The following GJC1 variants were observed in gnomAD, a reference collection of about 807,000 sequenced individuals.
The protein encoded by GJC1 is gap junction gamma-1 protein.
GJC1 carries 5 observed loss-of-function variants against 29.3 expected under a neutral mutation model. That is an observed-to-expected ratio of 0.17 (90% CI 0.09 to 0.36). GJC1 has a LOEUF of 0.36. Among genes scored for constraint, GJC1 ranks in the 10% least tolerant of loss-of-function variants. The pLI is 1.00. For missense variants in GJC1, 310 were observed against 496.2 expected (o/e 0.62, Z 3.56); for synonymous variants, 177 against 183.3 (o/e 0.97, Z 0.28).
At chr17:44,830,415 C>T (rs534729413), upstream of GJC1, among the ~76,000 whole-genome samples, 3 of 152,096 alleles carry the variant, frequency 2.0e-5, no homozygotes, top group Non-Finnish European at 4.4e-5. The surrounding 1 kb of genome is among the most constrained non-coding windows in gnomAD (Gnocchi z 4.3). Flanking sequence ...GACGCGAGCG[C>T]CAACTTTCCG....
chr17:44,822,704 T>C (rs1033148995), intron 1 of GJC1, among the ~76,000 whole-genome samples: 27 of 135,126 alleles, frequency 2.0e-4, no homozygotes, highest in Middle Eastern at 4.1e-3. Context: ...AGCCACTTAA[T>C]AAAATAGAGT....
rs200919428 is a variant in GJC1 at position 44,811,393 on chromosome 17, T to TC, written c.-96-3925_-96-3924insG. Among the ~76,000 whole-genome samples, 707 of 147,096 alleles carry TC rather than the reference T, an allele frequency of 4.8e-3. 3 individuals carry two copies. The highest frequency in any genetic ancestry group is 9.4e-3 in the African/African-American group (361 of 38,592). On this transcript the variant is annotated intron_variant, in intron 1 of 2. Coordinates refer to ENST00000592524, the MANE Select transcript of GJC1 (RefSeq NM_005497.4). Reference sequence around the variant, plus strand: ...CACTGCACCTGGCCTTTTTTCTTTTTTTTTTTTTTTTTTGAGACAAAGTCT... The same window carrying TC: ...CACTGCACCTGGCCTTTTTTCTTTTTCTTTTTTTTTTTTTGAGACAAAGTCT...
chr17:44,812,263 T>G (rs1206498020), intron 1 of GJC1, among the ~76,000 whole-genome samples: 1 of 152,104 alleles, frequency 6.6e-6, no homozygotes, highest in Non-Finnish European at 1.5e-5. Flanking sequence ...AGGCAGAGGC[T>G]GCAGTGAGTC....
intron 1 of GJC1, among the ~76,000 whole-genome samples, chr17:44,809,276 A>T (rs997067886): frequency 6.6e-6 from 1 of 152,166 alleles, no homozygotes; most frequent in Non-Finnish European, 1.5e-5. Context: ...AATTTCCAGT[A>T]CAGCTCCCAT....
rs1162077867 is a variant in GJC1, at chr17:44,825,188, CAAAAAAAA to C, written c.-97+4866_-97+4873del. On this transcript the variant is annotated intron_variant, in intron 1 of 2. Coordinates refer to ENST00000592524, the MANE Select transcript of GJC1 (RefSeq NM_005497.4). The stretch of plus-strand genomic sequence containing the variant: ...ACAGAACAAGACTCTGTCTCAATTA[CAAAAAAAA>C]AAAAAAAAAAAAAAAAAAAAAGGCT... 4.6e-4 allele frequency among the ~76,000 whole-genome samples: 21 copies of C among 45,984 alleles called. No homozygotes were observed. The East Asian group carries it at 0.015, about 32-fold the overall frequency. The allele number at this position is 45,984 out of a possible 152,430, so 30.2% of individuals were successfully genotyped here. A position where few individuals can be genotyped will look rare whatever the true frequency, so the allele number is the denominator to read the frequency against.
rs1251139172 is a variant in GJC1, at chr17:44,802,182, G to C, written c.*2445C>G. 6.6e-6 allele frequency: 1 copy of C among 152,080 alleles called. No homozygotes were observed. Among genetic ancestry groups the C allele is most frequent in the African/African-American group, 2.4e-5 (1 of 41,410 alleles). 9.4% of individuals were successfully genotyped at this position (152,080 alleles called of 1,614,324 possible). A position where few individuals can be genotyped will look rare whatever the true frequency, so the allele number is the denominator to read the frequency against. On this transcript the variant is annotated 3_prime_UTR_variant, in exon 3 of 3. Transcript: ENST00000592524. Reference sequence around the variant, plus strand: ...AAAACAGGCCAAGATGAAACACCAGGGGCACTCTTCACAGAAATTAAGTGG... The same window carrying C: ...AAAACAGGCCAAGATGAAACACCAGCGGCACTCTTCACAGAAATTAAGTGG...
At position 44,825,779 on chromosome 17, in the gene GJC1, GAA is replaced by G. The variant is rs34179777; in HGVS notation, c.-97+4281_-97+4282del. On this transcript the variant is annotated intron_variant, in intron 1 of 2. Coordinates refer to ENST00000592524, the MANE Select transcript of GJC1 (RefSeq NM_005497.4). ...GAAAGAGTGAGACTCAGTCTCAAAA[GAA>G]AAAAAAAAAAAAAGTTGAATGACTT... Among the ~76,000 whole-genome samples, 518 of 129,798 alleles carry G rather than the reference GAA, an allele frequency of 4.0e-3. 2 individuals carry two copies. Among genetic ancestry groups the G allele is most frequent in the Non-Finnish European group, 3.3e-3 (197 of 59,298 alleles). The allele number at this position is 129,798 out of a possible 152,430, so 85.2% of individuals were successfully genotyped here.
chr17:44,796,808 C>CACACACACACACAT (rs1228726524), downstream of GJC1, among the ~76,000 whole-genome samples: 2 of 149,920 alleles, frequency 1.3e-5, no homozygotes, highest in African/African-American at 2.4e-5. Flanking sequence ...CTAAAATACA[C>CACACACACACACAT]ACACACACAC....
At chr17:44,814,175 C>T (rs1355705640) in intron 1 of GJC1, among the ~76,000 whole-genome samples, 1 of 152,040 alleles carries the variant, frequency 6.6e-6, no homozygotes. Flanking sequence ...GAGTCTTGCT[C>T]CGTCGCCCAG....
At chr17:44,827,043 C>G (rs1021432777) in intron 1 of GJC1, among the ~76,000 whole-genome samples, 9 of 152,168 alleles carry the variant, frequency 5.9e-5, no homozygotes, top group African/African-American at 1.4e-4. Context: ...AGTGCGGTGG[C>G]TCACACCTGT....
At chr17:44,821,897 T>A (rs2050112569) in intron 1 of GJC1, among the ~76,000 whole-genome samples, 2 of 151,138 alleles carry the variant, frequency 1.3e-5, no homozygotes, top group Admixed American at 1.3e-4. Flanking sequence ...GCATTTATTA[T>A]AAGAAACACA....
intron 1 of GJC1, among the ~76,000 whole-genome samples, chr17:44,813,568 C>A (rs182148115): frequency 1.1e-4 from 15 of 139,522 alleles, no homozygotes; most frequent in Non-Finnish European, 3.0e-5. Flanking sequence ...TCTCAACTTA[C>A]TGCAGCCTCC....
intron 1 of GJC1, among the ~76,000 whole-genome samples, chr17:44,810,729 G>A (rs1478160744): frequency 1.3e-5 from 2 of 152,072 alleles, no homozygotes; most frequent in East Asian, 1.9e-4. Context: ...GGGGAGGAGC[G>A]GGGATCTGGA....
chr17:44,800,747 G>C lies in GJC1; in HGVS notation c.*3880C>G, dbSNP rs2049834085. On this transcript the variant is annotated 3_prime_UTR_variant, in exon 3 of 3. Transcript: ENST00000592524. Reference sequence around the variant, plus strand: ...GTCCAACTTTTTTTTTAAGCGCCAAGTTCAAACAAGTGACCAATAATAATG... The same window carrying C: ...GTCCAACTTTTTTTTTAAGCGCCAACTTCAAACAAGTGACCAATAATAATG... 2 of 151,980 alleles carry C rather than the reference G, an allele frequency of 1.3e-5. No individual in the cohort carries two copies. Among genetic ancestry groups the C allele is most frequent in the South Asian group, 4.2e-4 (2 of 4,818 alleles). The allele number at this position is 151,980 out of a possible 1,614,324, so 9.4% of individuals were successfully genotyped here.
At chr17:44,809,450 G>C (rs2049948233) in intron 1 of GJC1, among the ~76,000 whole-genome samples, 1 of 152,234 alleles carries the variant, frequency 6.6e-6, no homozygotes, top group Non-Finnish European at 1.5e-5. Flanking sequence ...ATTCTCTGCA[G>C]GCTCAGATTT....
chr17:44,804,479 C>T lies in GJC1; in HGVS notation c.*148G>A, dbSNP rs1307922786. 13 of 642,730 alleles carry T rather than the reference C, an allele frequency of 2.0e-5. No homozygotes were observed. Among genetic ancestry groups the T allele is most frequent in the Admixed American group, 5.9e-5 (2 of 33,752 alleles). The allele number at this position is 642,730 out of a possible 1,614,324, so 39.8% of individuals were successfully genotyped here. ...CCCTTTCTCTCCCTCAGCCCAGCCC[C>T]GCCTCCAGAGTCCCCTGAGCTTGGA... On this transcript the variant is annotated 3_prime_UTR_variant, in exon 3 of 3. Coordinates refer to ENST00000592524, the MANE Select transcript of GJC1 (RefSeq NM_005497.4).
chr17:44,805,895 T>A lies in GJC1; in HGVS notation c.-20-58A>T. On this transcript the variant is annotated intron_variant, in intron 2 of 2. Coordinates refer to ENST00000592524, the MANE Select transcript of GJC1 (RefSeq NM_005497.4). This position sits in a 1 kb window ranked among gnomAD's most constrained non-coding sequence, Gnocchi z 5.1. ...CAACAAATATTAAATCTTAATTTAA[T>A]TACTAATTATGATATCTCTAGGAAC... 2 of 777,968 alleles carry A rather than the reference T, an allele frequency of 2.6e-6. No homozygotes were observed. The highest frequency in any genetic ancestry group is 4.1e-6 in the Non-Finnish European group (2 of 486,396). 48.2% of individuals were successfully genotyped at this position (777,968 alleles called of 1,614,324 possible).
At chr17:44,817,378 T>C (rs1243382728) in intron 1 of GJC1, among the ~76,000 whole-genome samples, 1 of 151,684 alleles carries the variant, frequency 6.6e-6, no homozygotes, top group African/African-American at 2.4e-5. Context: ...ACAGGTTCTA[T>C]GTGACCCTAA....
intron 1 of GJC1, among the ~76,000 whole-genome samples, chr17:44,826,069 T>C (rs1469067193): frequency 6.6e-6 from 1 of 152,046 alleles, no homozygotes; most frequent in Non-Finnish European, 1.5e-5. Flanking sequence ...TACAGATGAC[T>C]GCCACCACGC....
Sources: allele counts gnomAD v4.1 joint callset (sites outside exome capture counted in the v4.1 genomes callset), GRCh38; gene constraint gnomAD v4.1.1; non-coding constraint Gnocchi (gnomAD v3.1); transcripts MANE v1.5; gene names NCBI Gene and HGNC (gene_info 2026-07-23, HGNC 2026-07-21).